Variants in RYR3 observed in about 807,000 individuals in gnomAD.
The protein encoded by RYR3 is brain ryanodine receptor-calcium release channel.
A neutral mutation model predicts 584.3 loss-of-function variants in RYR3; 207 were observed. The ratio of observed to expected loss-of-function variants is 0.35; its 90% CI spans 0.32 to 0.40. The LOEUF is 0.40. RYR3 is among the 10% of genes least tolerant of loss of function. RYR3 has a pLI of 1.00. For missense variants in RYR3, 5,616 were observed against 6,089.2 expected, an observed-to-expected ratio of 0.92 and a Z score of 2.59; for synonymous variants, 2,416 against 2,248.5, an observed-to-expected ratio of 1.07 and a Z score of -2.11.
chr15:33,820,826 A>G lies in RYR3; in HGVS notation c.10815+14A>G. 6.6e-7 allele frequency: 1 copy of G among 1,518,330 alleles called. No homozygotes were observed. Among genetic ancestry groups the G allele is most frequent in the East Asian group, 2.5e-5 (1 of 40,474 alleles). The allele number at this position is 1,518,330 out of a possible 1,614,324, so 94.1% of individuals were successfully genotyped here. A position where few individuals can be genotyped will look rare whatever the true frequency, so the allele number is the denominator to read the frequency against. ...AAAACATTCGAAGTAAGTTCTCATG[A>G]AGAATAAAAATAGAGCCACCCTCCA... On this transcript the variant is annotated intron_variant, in intron 78 of 103. Coordinates refer to ENST00000634891, the MANE Select transcript of RYR3 (RefSeq NM_001036.6).
chr15:33,513,138 ACT>A (rs1375480498), intron 3 of RYR3, among the ~76,000 whole-genome samples: 1 of 151,694 alleles, frequency 6.6e-6, no homozygotes, highest in Non-Finnish European at 1.5e-5. Flanking sequence ...GAGAATGGAA[ACT>A]CTTCAGTTTA....
chr15:33,517,607 C>T (rs2140933502), intron 3 of RYR3, among the ~76,000 whole-genome samples: 1 of 152,330 alleles, frequency 6.6e-6, no homozygotes, highest in Non-Finnish European at 1.5e-5. Context: ...TTAACCTCTG[C>T]AGCATCATGG....
chr15:33,773,661 G>A, intron 64 of RYR3, 46 bp downstream of exon 64: 1 of 1,242,584 alleles, frequency 8.0e-7, no homozygotes, highest in South Asian at 1.3e-5. Context: ...ATAGTAAAAT[G>A]TTACTTACAG....
chr15:33,545,203 C>T (rs1458048710), intron 8 of RYR3, among the ~76,000 whole-genome samples: 4 of 152,114 alleles, frequency 2.6e-5, no homozygotes, highest in African/African-American at 9.7e-5. Flanking sequence ...CATGCCCCCA[C>T]CCACATGCAC....
At chr15:33,857,268 C>T (rs1347351996) in intron 98 of RYR3, among the ~76,000 whole-genome samples, 1 of 144,506 alleles carries the variant, frequency 6.9e-6, no homozygotes, top group Non-Finnish European at 1.5e-5. Flanking sequence ...ACCTGGTCTC[C>T]TCAGGGGCCT....
At position 33,543,096 on chromosome 15, in the gene RYR3, G is replaced by A. The variant is rs116479783; in HGVS notation, c.647-526G>A. Among the ~76,000 whole-genome samples, 937 of 152,212 alleles carry A rather than the reference G, an allele frequency of 6.2e-3. 9 individuals are homozygous for A. The highest frequency in any genetic ancestry group is 0.022 in the African/African-American group (899 of 41,538). ...TCTGCTTTCCCTTTGTGCTGTAGGA[G>A]TAGCAACCAGATTTGATCTGTTTGT... On this transcript the variant is annotated intron_variant, in intron 7 of 103. Coordinates refer to ENST00000634891, the MANE Select transcript of RYR3 (RefSeq NM_001036.6).
At chr15:33,793,154 C>A (rs1290207830) in intron 67 of RYR3, among the ~76,000 whole-genome samples, 2 of 152,108 alleles carry the variant, frequency 1.3e-5, no homozygotes, top group African/African-American at 4.8e-5. Context: ...AGAAAAGAAT[C>A]AACTCAGGAA....
At chr15:33,836,578 G>A (rs563800431) in intron 87 of RYR3, among the ~76,000 whole-genome samples, 52 of 152,282 alleles carry the variant, frequency 3.4e-4, no homozygotes, top group Admixed American at 3.1e-3. Context: ...TGTAGATAAT[G>A]ACAACGTAAA....
intron 102 of RYR3, among the ~76,000 whole-genome samples, chr15:33,863,073 G>A (rs997777232): frequency 6.6e-6 from 1 of 152,192 alleles, no homozygotes; most frequent in African/African-American, 2.4e-5. Context: ...GAAGGATGCT[G>A]TCCTTTGGGT....
At chr15:33,596,075 C>CAAA (rs56312785) in intron 16 of RYR3, among the ~76,000 whole-genome samples, 1 of 146,548 alleles carries the variant, frequency 6.8e-6, no homozygotes, top group African/African-American at 2.5e-5. Context: ...TTTTTCACCT[C>CAAA]AAAAAAAAAA....
chr15:33,519,124 C>T (rs569728502), intron 3 of RYR3, among the ~76,000 whole-genome samples: 1 of 152,198 alleles, frequency 6.6e-6, no homozygotes, highest in South Asian at 2.1e-4. Context: ...GGAGGGAGGT[C>T]TAGAATGCAT....
Position 33,731,539 on chromosome 15 carries a change from G to C in RYR3, c.7269G>C (p.Pro2423=), listed in dbSNP as rs897706444. Residue 2423 remains proline, a synonymous_variant, in exon 48 of 104, where the codon CCG becomes CCC. Transcript: ENST00000634891. ...GGTATATATGTTCTGCTGTGCTCCC[G>C]CTCCTCACAAGATGTGCCCCTCTCT... The part of the protein sequence containing the change: ...LNRYICSAVL[P]LLTRCAPLFA... 6.2e-7 allele frequency: 1 copy of C among 1,613,676 alleles called. No homozygotes were observed. The highest frequency in any genetic ancestry group is 1.7e-5 in the Admixed American group (1 of 59,982).
chr15:33,731,760 A>C (rs1206435443), intron 48 of RYR3, 66 bp downstream of exon 48: 3 of 1,121,836 alleles, frequency 2.7e-6, no homozygotes, highest in Middle Eastern at 1.9e-4. Flanking sequence ...TTCCTATGTA[A>C]TCTAAAAACT....
chr15:33,761,219 C>G (rs1232616399), intron 60 of RYR3, among the ~76,000 whole-genome samples: 1 of 151,934 alleles, frequency 6.6e-6, no homozygotes, highest in Non-Finnish European at 1.5e-5. Context: ...CACACAAATT[C>G]AAAAGCTAGC....
At chr15:33,351,441 GC>G in intron 1 of RYR3, among the ~76,000 whole-genome samples, 1 of 151,758 alleles carries the variant, frequency 6.6e-6, no homozygotes, top group South Asian at 2.1e-4. Flanking sequence ...CCAAAGCCGG[GC>G]AGAGACACAA....
intron 1 of RYR3, among the ~76,000 whole-genome samples, chr15:33,426,824 T>G (rs2141676216): frequency 6.6e-6 from 1 of 152,320 alleles, no homozygotes; most frequent in East Asian, 1.9e-4. Context: ...AGTGTGGGAT[T>G]GTGGTACCAG....
chr15:33,540,696 G>C (rs1181271298), intron 6 of RYR3, 95 bp from the exon 7 acceptor site: 3 of 756,572 alleles, frequency 4.0e-6, no homozygotes, highest in Non-Finnish European at 7.0e-6. Context: ...TGACAGTAAG[G>C]CTGTTTAATT....
At chr15:33,464,731 TTG>T (rs910487464) in intron 1 of RYR3, among the ~76,000 whole-genome samples, 1 of 151,788 alleles carries the variant, frequency 6.6e-6, no homozygotes, top group Admixed American at 6.6e-5. Flanking sequence ...ATACTTACCT[TTG>T]TGTGTGTGTG....
chr15:33,441,324 T>C (rs2046214546), intron 1 of RYR3, among the ~76,000 whole-genome samples: 1 of 152,184 alleles, frequency 6.6e-6, no homozygotes, highest in Non-Finnish European at 1.5e-5. Context: ...AAAAAAAAAC[T>C]TAGGATGAAT....
Sources: allele counts gnomAD v4.1 joint callset (sites outside exome capture counted in the v4.1 genomes callset), GRCh38; gene constraint gnomAD v4.1.1; transcripts MANE v1.5; gene names NCBI Gene and HGNC (gene_info 2026-07-23, HGNC 2026-07-21).